DIAPH1: variants seen among roughly 807,000 people sequenced by gnomAD.
DIAPH1 encodes the protein diaphanous related formin 1.
DIAPH1 carries 46 observed loss-of-function variants against 140.7 expected under a neutral mutation model. That is an observed-to-expected ratio of 0.33 (90% confidence interval 0.26 to 0.42). DIAPH1 has a LOEUF of 0.42. Among genes scored for constraint, DIAPH1 ranks in the 10% least tolerant of loss-of-function variants. The probability of loss-of-function intolerance (pLI) is 1.00; values close to 1 mark genes in which losing one functional copy is unlikely to be tolerated. For missense variants in DIAPH1, 1,310 were observed against 1,558.7 expected (o/e 0.84, Z 2.69); for synonymous variants, 565 against 551.6 (o/e 1.02, Z -0.34).
intron 1 of DIAPH1, among the ~76,000 whole-genome samples, chr5:141,609,715 A>G (rs894674823): frequency 2.0e-5 from 3 of 152,178 alleles, no homozygotes; most frequent in Admixed American, 6.5e-5. Flanking sequence ...AATTTTCCTT[A>G]TCTATAAAGA....
chr5:141,616,961 C>T lies in DIAPH1; in HGVS notation c.117+1837G>A, dbSNP rs147224892. ...CCTCAGGTTTCTCACCTTACAGTAC[C>T]ACACACATAGTAGACTTCACAAGTT... On this transcript the variant is annotated intron_variant, in intron 1 of 27. Transcript: ENST00000389054. 2.5e-4 allele frequency among the ~76,000 whole-genome samples: 38 copies of T among 152,228 alleles called. No individual in the cohort carries two copies. In the East Asian group the frequency reaches 5.8e-3, roughly 23 times the overall value.
chr5:141,536,622 T>A (rs1489318604), intron 18 of DIAPH1, among the ~76,000 whole-genome samples: 1 of 152,104 alleles, frequency 6.6e-6, no homozygotes, highest in African/African-American at 2.4e-5. Context: ...TTTAGAGGGA[T>A]GGTCAGGGAA....
At chr5:141,569,120 A>T (rs2154596134) in intron 18 of DIAPH1, among the ~76,000 whole-genome samples, 1 of 152,260 alleles carries the variant, frequency 6.6e-6, no homozygotes, top group East Asian at 1.9e-4. Context: ...AAGGCGGCAT[A>T]TCCCCTTTCT....
chr5:141,572,849 T>G (rs2099895391), intron 16 of DIAPH1, among the ~76,000 whole-genome samples: 1 of 152,110 alleles, frequency 6.6e-6, no homozygotes, highest in African/African-American at 2.4e-5. Flanking sequence ...TCCATGACTT[T>G]GGGATCAGCA....
At chr5:141,549,414 T>C (rs1313324793) in intron 18 of DIAPH1, among the ~76,000 whole-genome samples, 1 of 152,084 alleles carries the variant, frequency 6.6e-6, no homozygotes, top group East Asian at 1.9e-4. Flanking sequence ...TTGAGTGAAC[T>C]AAAGGCTGAA....
At chr5:141,531,177 C>T (rs72790083) in intron 19 of DIAPH1, among the ~76,000 whole-genome samples, 3,458 of 152,296 alleles carry the variant, frequency 0.023, 53 homozygotes, top group East Asian at 0.046. Flanking sequence ...CCCGAAAAGA[C>T]AATCTGTTCC....
Position 141,576,790 on chromosome 5 carries a change from G to C in DIAPH1, c.1362C>G (p.Cys454Trp). Reference sequence around the variant, plus strand: ...CCTCAATCTCAATCTGGAGGTGCCGGCACTTGAAGTCAGGATCAGCCCCGT... The same window carrying C: ...CCTCAATCTCAATCTGGAGGTGCCGCCACTTGAAGTCAGGATCAGCCCCGT... Reference protein sequence around the residue: ...HKNGADPDFKCRHLQIEIEGL... With the variant: ...HKNGADPDFKWRHLQIEIEGL... The change falls in exon 13 of 28, where the codon TGC becomes TGG. Residue 454 changes from cysteine (C) to tryptophan (W), a missense_variant. Cys to Trp is a radical substitution (Grantham distance 215). This residue lies in a region of DIAPH1 where 589 missense variants were observed against 549.3 expected (regional missense o/e 1.07). Transcript: ENST00000389054. 1 of 1,613,646 alleles carries C rather than the reference G, an allele frequency of 6.2e-7. No individual in the cohort carries two copies. Among genetic ancestry groups the C allele is most frequent in the Non-Finnish European group, 8.5e-7 (1 of 1,179,604 alleles).
Position 141,574,074 on chromosome 5 carries a change from A to C in DIAPH1, c.1776T>G (p.Ser592=). 6.2e-7 allele frequency: 1 copy of C among 1,611,528 alleles called. No individual in the cohort carries two copies. The highest frequency in any genetic ancestry group is 8.5e-7 in the Non-Finnish European group (1 of 1,178,854). The part of the protein sequence containing the change: ...VPPAPPLPGD[S]GTIIPPPPAP... ...CAGGTGGTGGTGGAATAATAGTGCC[A>C]GAGTCACCAGGTAAAGGAGGGGCAG... The change falls in exon 16 of 28, where the codon TCT becomes TCG. Residue 592 remains serine (S), a synonymous_variant. Coordinates refer to ENST00000389054, the MANE Select transcript of DIAPH1 (RefSeq NM_005219.5).
chr5:141,606,121 G>C (rs114269337), intron 1 of DIAPH1, among the ~76,000 whole-genome samples: 1 of 152,150 alleles, frequency 6.6e-6, no homozygotes, highest in African/African-American at 2.4e-5. Flanking sequence ...TGAAGGAACT[G>C]AAGGAATTCT....
intron 1 of DIAPH1, among the ~76,000 whole-genome samples, chr5:141,606,594 C>A (rs1225272427): frequency 2.0e-5 from 3 of 152,074 alleles, no homozygotes; most frequent in Admixed American, 2.0e-4. Flanking sequence ...GGGGTTTCAC[C>A]ATGTTGGCCA....
At chr5:141,610,462 A>G (rs1248064858) in intron 1 of DIAPH1, among the ~76,000 whole-genome samples, 2 of 151,872 alleles carry the variant, frequency 1.3e-5, no homozygotes, top group Non-Finnish European at 2.9e-5. Context: ...CACCACGCCC[A>G]GCTAAGTTTT....
At chr5:141,549,462 C>A (rs1032466111) in intron 18 of DIAPH1, among the ~76,000 whole-genome samples, 3 of 151,988 alleles carry the variant, frequency 2.0e-5, no homozygotes, top group African/African-American at 7.2e-5. Flanking sequence ...GAATTAACAC[C>A]CGTCACACAA....
intron 1 of DIAPH1, among the ~76,000 whole-genome samples, chr5:141,613,412 T>G (rs993596231): frequency 1.3e-5 from 2 of 152,178 alleles, no homozygotes; most frequent in Non-Finnish European, 1.5e-5. Flanking sequence ...ATTCCCAAGA[T>G]CCTAAAATTT....
intron 1 of DIAPH1, among the ~76,000 whole-genome samples, chr5:141,610,036 A>G (rs1201486073): frequency 1.3e-5 from 2 of 152,238 alleles, no homozygotes; most frequent in Non-Finnish European, 2.9e-5. Flanking sequence ...AGTGGCTCAC[A>G]CTTGTAATCA....
chr5:141,583,336 T>C, intron 5 of DIAPH1, 44 bp from the exon 6 acceptor site: 1 of 1,607,156 alleles, frequency 6.2e-7, no homozygotes, highest in Non-Finnish European at 8.5e-7. Flanking sequence ...AACCAATAAA[T>C]ACTTATTTGC....
intron 27 of DIAPH1, among the ~76,000 whole-genome samples, chr5:141,522,955 G>A (rs1460756655): frequency 1.3e-5 from 2 of 152,176 alleles, no homozygotes; most frequent in African/African-American, 4.8e-5. Flanking sequence ...CAGAGTATAG[G>A]TAGAAATGGG....
intron 27 of DIAPH1, among the ~76,000 whole-genome samples, chr5:141,519,374 CTG>C (rs3840356): frequency 0.034 from 5,170 of 152,130 alleles, 113 homozygotes; most frequent in African/African-American, 0.05. Flanking sequence ...CACTGCGACT[CTG>C]TGCATGTGTG....
At chr5:141,614,629 G>C (rs1427982376) in intron 1 of DIAPH1, among the ~76,000 whole-genome samples, 1 of 152,110 alleles carries the variant, frequency 6.6e-6, no homozygotes. Context: ...TCCTGTGAGG[G>C]AGAATTTTCT....
chr5:141,566,831 G>C (rs995583960), intron 18 of DIAPH1, among the ~76,000 whole-genome samples: 3 of 152,142 alleles, frequency 2.0e-5, no homozygotes, highest in African/African-American at 7.2e-5. Flanking sequence ...GGAGGCAGAG[G>C]CTACAGTGAA....
Sources: allele counts gnomAD v4.1 joint callset (sites outside exome capture counted in the v4.1 genomes callset), GRCh38; gene constraint gnomAD v4.1.1; regional missense constraint gnomAD v4.1.1; transcripts MANE v1.5; gene names NCBI Gene and HGNC (gene_info 2026-07-23, HGNC 2026-07-21).